Variants in PCDH15 observed in about 807,000 individuals in gnomAD.
PCDH15 encodes protocadherin-15.
A neutral mutation model predicts 178.5 loss-of-function variants in PCDH15; 129 were observed. The observed-to-expected ratio is 0.72, with a 90% CI of 0.63 to 0.84. The LOEUF is 0.84. Among genes scored for constraint, PCDH15 ranks in the 40% least tolerant of loss-of-function variants. The pLI, the probability that PCDH15 is intolerant of heterozygous loss-of-function variation, is 0.00. For missense variants in PCDH15, 2,230 were observed against 2,099.9 expected (o/e 1.06, Z -1.21); for synonymous variants, 800 against 732.0 (o/e 1.09, Z -1.50).
intron 2 of PCDH15, among the ~76,000 whole-genome samples, chr10:55,595,036 A>T (rs759095064): frequency 5.9e-5 from 9 of 152,064 alleles, no homozygotes; most frequent in Admixed American, 1.3e-4. Flanking sequence ...TCACCCATGG[A>T]TAATTAATTT....
At chr10:54,724,611 A>G (rs527581148) in intron 1 of PCDH15, among the ~76,000 whole-genome samples, 2 of 151,616 alleles carry the variant, frequency 1.3e-5, no homozygotes, top group South Asian at 2.1e-4. Flanking sequence ...TTAATTTTGT[A>G]TGGTGCACCA....
chr10:55,029,770 A>G (rs989277786), intron 2 of PCDH15, among the ~76,000 whole-genome samples: 2 of 152,110 alleles, frequency 1.3e-5, no homozygotes, highest in African/African-American at 4.8e-5. Context: ...TTCTATGTAG[A>G]CAATGATGGG....
chr10:54,468,210 G>A (rs1002505651), intron 3 of PCDH15, among the ~76,000 whole-genome samples: 6 of 151,364 alleles, frequency 4.0e-5, no homozygotes, highest in African/African-American at 7.3e-5. Context: ...TTTTGGTTTG[G>A]TGTGTTCTTG....
intron 2 of PCDH15, among the ~76,000 whole-genome samples, chr10:54,982,706 A>C (rs1025278645): frequency 1.3e-5 from 2 of 152,146 alleles, no homozygotes; most frequent in Non-Finnish European, 2.9e-5. Context: ...TATAAAATCT[A>C]CTTTCTAAAA....
intron 1 of PCDH15, among the ~76,000 whole-genome samples, chr10:54,767,624 T>G (rs1055620470): frequency 6.6e-6 from 1 of 152,116 alleles, no homozygotes; most frequent in African/African-American, 2.4e-5. Flanking sequence ...AATTTAATAG[T>G]CATAAATTAC....
At chr10:53,930,380 C>A (rs2084941536) in intron 25 of PCDH15, among the ~76,000 whole-genome samples, 1 of 130,410 alleles carries the variant, frequency 7.7e-6, no homozygotes, top group Admixed American at 1.0e-4. Flanking sequence ...ATGGCATGAA[C>A]CTGGGAGGCG....
At chr10:54,703,598 G>C (rs1249721433) in intron 1 of PCDH15, among the ~76,000 whole-genome samples, 1 of 151,886 alleles carries the variant, frequency 6.6e-6, no homozygotes, top group Non-Finnish European at 1.5e-5. Flanking sequence ...TCCAAGATGA[G>C]AGCCAAATCA....
chr10:54,260,976 G>A (rs573862972), intron 8 of PCDH15, among the ~76,000 whole-genome samples: 1 of 152,234 alleles, frequency 6.6e-6, no homozygotes, highest in African/African-American at 2.4e-5. Context: ...ATTCTTTACA[G>A]TAATGACCGC....
chr10:54,250,659 T>C (rs189593826), intron 8 of PCDH15, among the ~76,000 whole-genome samples: 221 of 152,308 alleles, frequency 1.5e-3, no homozygotes, highest in Non-Finnish European at 2.2e-3. Flanking sequence ...GTGTGAAAGC[T>C]AGACATTTAA....
intron 2 of PCDH15, among the ~76,000 whole-genome samples, chr10:55,547,910 T>TGTGTGTGTGTGAGAGAGAGA: frequency 1.8e-5 from 1 of 54,530 alleles, no homozygotes; most frequent in East Asian, 5.5e-4. Flanking sequence ...TGTGTGTGTG[T>TGTGTGTGTGTGAGAGAGAGA]GAGAGAGAGA....
chr10:54,529,840 T>C (rs2083728346), intron 2 of PCDH15, among the ~76,000 whole-genome samples: 1 of 152,108 alleles, frequency 6.6e-6, no homozygotes, highest in Admixed American at 6.6e-5. Flanking sequence ...ATTATGTACA[T>C]AGAAATGAAT....
chr10:54,669,277 T>A lies in PCDH15; in HGVS notation c.-28-4987A>T, dbSNP rs567025724. Among the ~76,000 whole-genome samples the A allele has an allele frequency of 1.1e-3, 169 of 151,966 alleles. 1 individual carries two copies. The highest frequency in any genetic ancestry group is 4.0e-3 in the African/African-American group (164 of 41,470). On this transcript the variant is annotated intron_variant, in intron 1 of 37. Transcript: ENST00000644397. ...AATATGAAGTTTAGGAAAATAAAAT[T>A]TCAGAGAGCCTTTCAGATATATTCC...
At chr10:53,822,968 C>CCTCATCAGCCTCCTGG (rs759729589) in intron 32 of PCDH15, 1 of 1,614,102 alleles carries the variant, frequency 6.2e-7, no homozygotes, top group South Asian at 1.1e-5. Context: ...TTGGAACTTT[C>CCTCATCAGCCTCCTGG]CTCATCAGCC....
intron 3 of PCDH15, among the ~76,000 whole-genome samples, chr10:54,498,224 G>A (rs2080317624): frequency 6.6e-6 from 1 of 152,004 alleles, no homozygotes; most frequent in African/African-American, 2.4e-5. Flanking sequence ...ATAAGTGAAG[G>A]ATGAATAAAA....
At chr10:55,303,152 G>A (rs148794200) in intron 1 of PCDH15, among the ~76,000 whole-genome samples, 1 of 152,128 alleles carries the variant, frequency 6.6e-6, no homozygotes, top group East Asian at 1.9e-4. Context: ...AAATATTCAT[G>A]ACAGTTATAG....
chr10:55,256,624 T>C (rs1312635160), intron 1 of PCDH15, among the ~76,000 whole-genome samples: 1 of 152,158 alleles, frequency 6.6e-6, no homozygotes, highest in African/African-American at 2.4e-5. Flanking sequence ...GCCTCGCTCA[T>C]TGCTAGCACA....
At chr10:54,414,588 C>T (rs866799559) in intron 3 of PCDH15, among the ~76,000 whole-genome samples, 4 of 152,080 alleles carry the variant, frequency 2.6e-5, no homozygotes, top group African/African-American at 4.8e-5. Context: ...ATTTAAAACA[C>T]AGTTGTCAAC....
intron 9 of PCDH15, among the ~76,000 whole-genome samples, chr10:54,231,499 G>A (rs1473325762): frequency 6.6e-6 from 1 of 152,222 alleles, no homozygotes; most frequent in African/African-American, 2.4e-5. Flanking sequence ...TGAGGTGGGA[G>A]CCCCCACACA....
chr10:54,056,808 C>T (rs535125063), intron 18 of PCDH15, among the ~76,000 whole-genome samples: 5 of 152,224 alleles, frequency 3.3e-5, no homozygotes, highest in South Asian at 4.2e-4. Context: ...TAGTTCCTTC[C>T]GTCTATGAGC....
Sources: allele counts gnomAD v4.1 joint callset (sites outside exome capture counted in the v4.1 genomes callset), GRCh38; gene constraint gnomAD v4.1.1; transcripts MANE v1.5; gene names NCBI Gene and HGNC (gene_info 2026-07-23, HGNC 2026-07-21).